Variants in KANK1 observed in about 807,000 individuals in gnomAD.
The protein encoded by KANK1 is KN motif and ankyrin repeat domain-containing protein 1.
KANK1 carries 109 observed loss-of-function variants against 106.2 expected under a neutral mutation model. The observed-to-expected ratio is 1.03, with a 90% CI of 0.88 to 1.20. KANK1 has a LOEUF of 1.20. KANK1 is among the 50% of genes most tolerant of loss of function. The pLI is 0.00. For synonymous variants in KANK1, 873 were observed against 652.2 expected, an observed-to-expected ratio of 1.34 and a Z score of -5.16; for missense variants, 2,399 against 1,710.7, an observed-to-expected ratio of 1.40 and a Z score of -7.10.
chr9:634,398 T>G (rs1836563474), intron 1 of KANK1, among the ~76,000 whole-genome samples: 1 of 152,168 alleles, frequency 6.6e-6, no homozygotes, highest in Admixed American at 6.5e-5. Context: ...GTTGCCTGAA[T>G]GCAAAAGTCT....
chr9:661,756 T>C (rs1843367851), intron 1 of KANK1, among the ~76,000 whole-genome samples: 1 of 152,276 alleles, frequency 6.6e-6, no homozygotes, highest in East Asian at 1.9e-4. Flanking sequence ...GTAAAAGTGT[T>C]CCTGTTTCTC....
intron 1 of KANK1, among the ~76,000 whole-genome samples, chr9:654,520 A>G (rs1460887719): frequency 1.3e-5 from 2 of 152,010 alleles, no homozygotes; most frequent in Non-Finnish European, 2.9e-5. Context: ...AGGACAATAG[A>G]ATTTTTTTTT....
chr9:513,966 A>G (rs1005031473), intron 1 of KANK1, among the ~76,000 whole-genome samples: 1 of 152,094 alleles, frequency 6.6e-6, no homozygotes, highest in South Asian at 2.1e-4. Context: ...GCAGTGAGTC[A>G]AAATCACGCC....
chr9:645,192 G>C (rs1335809025), intron 1 of KANK1, among the ~76,000 whole-genome samples: 1 of 147,652 alleles, frequency 6.8e-6, no homozygotes, highest in Non-Finnish European at 1.5e-5. Flanking sequence ...TGTAATCTCA[G>C]CACTTTGGGA....
chr9:680,216 C>A (rs527749075), intron 2 of KANK1, among the ~76,000 whole-genome samples: 1 of 152,180 alleles, frequency 6.6e-6, no homozygotes, highest in African/African-American at 2.4e-5. Context: ...AAGCACTTTC[C>A]ATAGTGTTAG....
At chr9:657,340 G>A (rs1570477) in intron 1 of KANK1, among the ~76,000 whole-genome samples, 95,428 of 151,980 alleles carry the variant, frequency 0.63, 31,316 homozygotes, top group East Asian at 0.88. Flanking sequence ...ACATGGGGAT[G>A]CAAATGTCTC....
At chr9:552,045 C>T (rs997380365) in intron 1 of KANK1, among the ~76,000 whole-genome samples, 1 of 151,980 alleles carries the variant, frequency 6.6e-6, no homozygotes, top group African/African-American at 2.4e-5. Flanking sequence ...AAGTGAGACC[C>T]TGTCTCAAAA....
intron 1 of KANK1, among the ~76,000 whole-genome samples, chr9:593,451 T>TTC (rs1825475679): frequency 1.4e-5 from 2 of 140,664 alleles, no homozygotes; most frequent in African/African-American, 5.7e-5. Flanking sequence ...CTTTATACAT[T>TTC]CCCCCCCCCC....
chr9:596,550 C>A (rs537745794), intron 1 of KANK1, among the ~76,000 whole-genome samples: 8 of 151,594 alleles, frequency 5.3e-5, no homozygotes, highest in Non-Finnish European at 8.8e-5. Context: ...GTTTCCTTTT[C>A]CCCTGGCAAT....
At chr9:599,399 A>G (rs1563835243) in intron 1 of KANK1, among the ~76,000 whole-genome samples, 1 of 151,740 alleles carries the variant, frequency 6.6e-6, no homozygotes, top group Non-Finnish European at 1.5e-5. Flanking sequence ...TATTCCTCCA[A>G]ATATTCTGTA....
At position 615,700 on chromosome 9, in the gene KANK1, G is replaced by C. The variant is rs115214512; in HGVS notation, c.-83-61190G>C. ...TTTGTCCAGTTAACACCAGCTTCTG[G>C]ATATTAGATCACCATAAAGTCCAAG... On this transcript the variant is annotated intron_variant, in intron 1 of 11. Transcript: ENST00000382297. Among the ~76,000 whole-genome samples the C allele has an allele frequency of 1.9e-3, 282 of 152,158 alleles. 3 individuals carry two copies. The highest frequency in any genetic ancestry group is 6.4e-3 in the African/African-American group (266 of 41,494).
chr9:528,479 T>G (rs1453566067), intron 1 of KANK1, among the ~76,000 whole-genome samples: 1 of 73,356 alleles, frequency 1.4e-5, no homozygotes, highest in East Asian at 5.9e-4. Flanking sequence ...CTTTTTTTTT[T>G]TTTTTTTTTT....
intron 1 of KANK1, among the ~76,000 whole-genome samples, chr9:533,053 G>T (rs950390754): frequency 6.6e-6 from 1 of 152,138 alleles, no homozygotes; most frequent in South Asian, 2.1e-4. Context: ...GAAGAGGAAA[G>T]CACTTTTGAA....
chr9:507,734 T>C (rs147239214), intron 1 of KANK1, among the ~76,000 whole-genome samples: 255 of 152,132 alleles, frequency 1.7e-3, no homozygotes, highest in African/African-American at 5.8e-3. Context: ...ATTTTTGTAT[T>C]TTTAGTAGAG....
At chr9:547,543 C>A (rs2061006869) in intron 1 of KANK1, among the ~76,000 whole-genome samples, 1 of 151,648 alleles carries the variant, frequency 6.6e-6, no homozygotes, top group Non-Finnish European at 1.5e-5. Flanking sequence ...TTAAAATAAA[C>A]TGCTGGCCAT....
chr9:617,245 A>G (rs1413716401), intron 1 of KANK1, among the ~76,000 whole-genome samples: 1 of 152,112 alleles, frequency 6.6e-6, no homozygotes. Flanking sequence ...TTTCTTTAAC[A>G]ATCTGTATTC....
In KANK1 at chr9:711,713, T is replaced by A. The variant is rs1826150170; in HGVS notation, c.947T>A (p.Val316Asp). 1 of 1,614,160 alleles carries A rather than the reference T, an allele frequency of 6.2e-7. No homozygotes were observed. Among genetic ancestry groups the A allele is most frequent in the African/African-American group, 1.3e-5 (1 of 75,036 alleles). The change falls in exon 3 of 12, where the codon GTC (valine) becomes GAC (aspartate). Residue 316 changes from valine to aspartate, a missense_variant. Physicochemically the swap from Val to Asp is radical, Grantham distance 152. Transcript: ENST00000382297. ...KNQRAASQIN[V>D]CGVRKRSYSA... ...CAAAGGGCTGCATCCCAGATCAATGTCTGTGGTGTGAGGAAGCGGTCCTAT... is the reference window on the plus strand; with the variant it reads ...CAAAGGGCTGCATCCCAGATCAATGACTGTGGTGTGAGGAAGCGGTCCTAT...
intron 1 of KANK1, among the ~76,000 whole-genome samples, chr9:538,098 G>C (rs546982198): frequency 6.6e-6 from 1 of 151,924 alleles, no homozygotes; most frequent in Non-Finnish European, 1.5e-5. Context: ...AGATGGTAGA[G>C]CTGTGGCAGA....
In KANK1 at chr9:741,862, G is replaced by T. The variant is rs1835666522; in HGVS notation, c.3697-343G>T. Among the ~76,000 whole-genome samples, 3 of 150,978 alleles carry T rather than the reference G, an allele frequency of 2.0e-5. No homozygotes were observed. The South Asian group carries it at 6.3e-4, about 32-fold the overall frequency. ...TTGAACTCCTGAGCTCAGACAATCT[G>T]CCTGCCTCAGCCTCCCAAAGTGCTA... On this transcript the variant is annotated intron_variant, in intron 9 of 11. Coordinates refer to ENST00000382297, the MANE Select transcript of KANK1 (RefSeq NM_015158.5).
Sources: gnomAD v4.1 joint callset for allele counts (sites outside exome capture counted in the v4.1 genomes callset) on GRCh38, gnomAD v4.1.1 for gene constraint, MANE v1.5 for transcripts, NCBI Gene and HGNC (gene_info 2026-07-23, HGNC 2026-07-21) for gene names.